The following CLSTN2 variants were observed in gnomAD, a reference collection of about 807,000 sequenced individuals.
CLSTN2 encodes the protein calsyntenin-2.
Under a neutral mutation model 101.2 loss-of-function variants are expected in CLSTN2, and 48 were observed. That is an observed-to-expected ratio of 0.47 (90% CI 0.38 to 0.60). The LOEUF is 0.60. Among genes scored for constraint, CLSTN2 ranks in the 20% least tolerant of loss-of-function variants. CLSTN2 has a pLI of 0.00. For missense variants in CLSTN2, 1,160 were observed against 1,238.2 expected, an observed-to-expected ratio of 0.94 and a Z score of 0.95; for synonymous variants, 481 against 463.6, an observed-to-expected ratio of 1.04 and a Z score of -0.48.
rs886086629 is a variant in CLSTN2, at chr3:139,935,337, T to C, written c.-38T>C. On this transcript the variant is annotated 5_prime_UTR_variant, in exon 1 of 17. Coordinates refer to ENST00000458420, the MANE Select transcript of CLSTN2 (RefSeq NM_022131.3). This position sits in a 1 kb window ranked among gnomAD's most constrained non-coding sequence, Gnocchi z 5.5. ...GGGAGGCGAGAGCCGGCGCGGACAG[T>C]AGGCGGCGGCTGCAGCTCGTTGGCG... 30 of 1,128,928 alleles carry C rather than the reference T, an allele frequency of 2.7e-5. No individual in the cohort carries two copies. Among genetic ancestry groups the C allele is most frequent in the Non-Finnish European group, 2.2e-6 (2 of 896,426 alleles). The allele number at this position is 1,128,928 out of a possible 1,614,324, so 69.9% of individuals were successfully genotyped here.
chr3:140,372,877 G>A (rs1270501008), intron 2 of CLSTN2, among the ~76,000 whole-genome samples: 1 of 152,136 alleles, frequency 6.6e-6, no homozygotes, highest in Non-Finnish European at 1.5e-5. Context: ...GCAGGAACTG[G>A]ATGACATAGA....
Position 140,421,221 on chromosome 3 carries a change from A to G in CLSTN2, c.734A>G (p.Gln245Arg), listed in dbSNP as rs1449907465. The G allele has an allele frequency of 6.2e-7, 1 of 1,614,210 alleles. No individual in the cohort carries two copies. ...GACTGTGGACAGAAGCCCGCTGCTC[A>G]GGACACCCTGGTGCAGGTGGATGTG... Reference protein sequence around the residue: ...AYDCGQKPAAQDTLVQVDVKP... With the variant: ...AYDCGQKPAARDTLVQVDVKP... Residue 245 changes from glutamine (Q) to arginine (R), a missense_variant, in exon 5 of 17, where the codon CAG becomes CGG. Transcript: ENST00000458420.
intron 2 of CLSTN2, among the ~76,000 whole-genome samples, chr3:140,233,248 T>C (rs2086386563): frequency 6.6e-6 from 1 of 152,212 alleles, no homozygotes; most frequent in Admixed American, 6.5e-5. Context: ...TTTTATGCAT[T>C]GCTCACTCTG....
At chr3:140,434,308 G>C (rs2088666238) in intron 5 of CLSTN2, among the ~76,000 whole-genome samples, 1 of 152,154 alleles carries the variant, frequency 6.6e-6, no homozygotes. Context: ...ACCAACTTAG[G>C]GGCTTGGAGC....
intron 2 of CLSTN2, among the ~76,000 whole-genome samples, chr3:140,259,016 A>C (rs766010769): frequency 6.6e-6 from 1 of 152,224 alleles, no homozygotes; most frequent in Non-Finnish European, 1.5e-5. Context: ...TATTTTTGGC[A>C]GTAAAACATG....
intron 1 of CLSTN2, among the ~76,000 whole-genome samples, chr3:139,953,542 C>T (rs1312987686): frequency 6.6e-6 from 1 of 152,190 alleles, no homozygotes; most frequent in African/African-American, 2.4e-5. Flanking sequence ...CCCTAGACCC[C>T]TCTGTGCTTG....
intron 2 of CLSTN2, among the ~76,000 whole-genome samples, chr3:140,297,082 G>C (rs575872904): frequency 6.6e-6 from 1 of 152,344 alleles, no homozygotes; most frequent in East Asian, 1.9e-4. Flanking sequence ...ACTATGAGGA[G>C]CTCTTTGGAC....
chr3:140,114,027 A>G (rs770714436), intron 1 of CLSTN2, among the ~76,000 whole-genome samples: 18 of 152,116 alleles, frequency 1.2e-4, no homozygotes, highest in Non-Finnish European at 2.4e-4. Flanking sequence ...ATCTGCAGCA[A>G]TTTACAAACT....
At chr3:140,102,788 A>C (rs1278231695) in intron 1 of CLSTN2, among the ~76,000 whole-genome samples, 2 of 152,204 alleles carry the variant, frequency 1.3e-5, no homozygotes, top group Non-Finnish European at 2.9e-5. Flanking sequence ...CAGAATAGTT[A>C]CATGATGACC....
chr3:140,125,948 G>T (rs1404918392), intron 1 of CLSTN2, among the ~76,000 whole-genome samples: 2 of 152,188 alleles, frequency 1.3e-5, no homozygotes, highest in African/African-American at 4.8e-5. Flanking sequence ...TGTCATCGGG[G>T]CAGGGGGCTG....
At chr3:140,475,504 G>A (rs1456461916) in intron 8 of CLSTN2, among the ~76,000 whole-genome samples, 1 of 152,122 alleles carries the variant, frequency 6.6e-6, no homozygotes, top group Non-Finnish European at 1.5e-5. Flanking sequence ...TTCTTCTGAA[G>A]AGCCTATTCT....
chr3:140,531,811 C>A (rs1468695562), intron 8 of CLSTN2, among the ~76,000 whole-genome samples: 1 of 152,202 alleles, frequency 6.6e-6, no homozygotes, highest in Non-Finnish European at 1.5e-5. Flanking sequence ...AAGCTGCCTT[C>A]TGTAGCCCTG....
intron 2 of CLSTN2, among the ~76,000 whole-genome samples, chr3:140,310,411 G>A (rs749454808): frequency 1.3e-5 from 2 of 151,978 alleles, no homozygotes; most frequent in Admixed American, 6.6e-5. Flanking sequence ...CCCAGGCCTC[G>A]GTGCTTTTAA....
intron 2 of CLSTN2, among the ~76,000 whole-genome samples, chr3:140,234,560 T>G (rs913222670): frequency 6.6e-6 from 1 of 152,212 alleles, no homozygotes; most frequent in Non-Finnish European, 1.5e-5. Context: ...TATTTTAAAA[T>G]GCTTAATATA....
chr3:140,304,882 ATTTTT>A, intron 2 of CLSTN2, among the ~76,000 whole-genome samples: 1 of 152,006 alleles, frequency 6.6e-6, no homozygotes, highest in Non-Finnish European at 1.5e-5. Flanking sequence ...GTAGGAAATT[ATTTTT>A]TACTTACCTA....
At chr3:140,098,116 A>G (rs772240740) in intron 1 of CLSTN2, among the ~76,000 whole-genome samples, 13 of 152,180 alleles carry the variant, frequency 8.5e-5, no homozygotes, top group Admixed American at 5.2e-4. Context: ...GACAAAAAAC[A>G]AAACAAAACA....
chr3:140,034,113 T>C (rs746239489), intron 1 of CLSTN2, among the ~76,000 whole-genome samples: 1 of 152,202 alleles, frequency 6.6e-6, no homozygotes, highest in Non-Finnish European at 1.5e-5. Context: ...AGCCAGTGCA[T>C]GGGGTTAACA....
intron 8 of CLSTN2, among the ~76,000 whole-genome samples, chr3:140,469,984 A>C (rs1450179058): frequency 6.6e-6 from 1 of 151,988 alleles, no homozygotes; most frequent in Admixed American, 6.6e-5. Context: ...TTGATGTCTT[A>C]TTTCAGGATC....
intron 1 of CLSTN2, among the ~76,000 whole-genome samples, chr3:140,062,732 G>A (rs2008228225): frequency 6.6e-6 from 1 of 152,124 alleles, no homozygotes; most frequent in East Asian, 1.9e-4. Flanking sequence ...TGCTAGTAGG[G>A]TGGGAAAACT....
Sources: allele counts gnomAD v4.1 joint callset (sites outside exome capture counted in the v4.1 genomes callset), GRCh38; gene constraint gnomAD v4.1.1; non-coding constraint Gnocchi (gnomAD v3.1); transcripts MANE v1.5; gene names NCBI Gene and HGNC (gene_info 2026-07-23, HGNC 2026-07-21).